ZBTB7C: variants seen among roughly 807,000 people sequenced by gnomAD.
ZBTB7C encodes the protein zinc finger and BTB domain-containing protein 7C.
In ZBTB7C, 8 loss-of-function variants were observed where a neutral mutation model predicts 25.7. The observed-to-expected ratio is 0.31, with a 90% confidence interval of 0.18 to 0.56. The LOEUF is 0.56. Among genes scored for constraint, ZBTB7C ranks in the 20% least tolerant of loss-of-function variants. The pLI is 0.91. For missense variants in ZBTB7C, 824 were observed against 855.2 expected, an observed-to-expected ratio of 0.96 and a Z score of 0.46; for synonymous variants, 394 against 369.0, an observed-to-expected ratio of 1.07 and a Z score of -0.78.
Position 48,189,186 on chromosome 18 carries a change from G to C in ZBTB7C, c.-78-3191C>G, listed in dbSNP as rs1000658908. On this transcript the variant is annotated intron_variant, in intron 2 of 4. Transcript: ENST00000590800. ...CATGACTGCTGGCTGCAGAGCCCTG[G>C]AGCTAAATATTCCAGGTGAACGCTC... 7.9e-5 allele frequency among the ~76,000 whole-genome samples: 12 copies of C among 152,290 alleles called. 1 individual carries two copies. The highest frequency in any genetic ancestry group is 3.3e-4 in the Admixed American group (5 of 15,284).
chr18:48,309,069 C>A (rs2045749642), intron 2 of ZBTB7C, among the ~76,000 whole-genome samples: 1 of 152,208 alleles, frequency 6.6e-6, no homozygotes, highest in Admixed American at 6.5e-5. Context: ...TAGAAGACCC[C>A]TCTCAGGCTT....
chr18:48,316,353 C>T (rs758280874), intron 2 of ZBTB7C, among the ~76,000 whole-genome samples: 64 of 152,294 alleles, frequency 4.2e-4, no homozygotes, highest in Non-Finnish European at 7.5e-4. Flanking sequence ...CCCACCACTC[C>T]TCCTCCACCC....
chr18:48,146,454 G>T (rs2040499809), intron 3 of ZBTB7C, among the ~76,000 whole-genome samples: 1 of 151,906 alleles, frequency 6.6e-6, no homozygotes, highest in Non-Finnish European at 1.5e-5. Context: ...TATATGTTTG[G>T]GTATGTTAAT....
chr18:48,131,828 C>G (rs2039994029), intron 3 of ZBTB7C, among the ~76,000 whole-genome samples: 1 of 152,150 alleles, frequency 6.6e-6, no homozygotes, highest in Non-Finnish European at 1.5e-5. Flanking sequence ...GCTACTGCTC[C>G]CTTGAGCATA....
rs188085374 is a variant in ZBTB7C at position 48,401,910 on chromosome 18, G to T, written c.-304+7316C>A. Among the ~76,000 whole-genome samples the T allele has an allele frequency of 4.6e-5, 7 of 152,110 alleles. No individual in the cohort carries two copies. In the South Asian group the frequency reaches 8.3e-4, roughly 18 times the overall value. Reference sequence around the variant, plus strand: ...TCAGAGAATCATTTCACAGTCAACCGTCCCATCCTGCCAATTCATGCCCTT... The same window carrying T: ...TCAGAGAATCATTTCACAGTCAACCTTCCCATCCTGCCAATTCATGCCCTT... On this transcript the variant is annotated intron_variant, in intron 1 of 4. Transcript: ENST00000590800.
At chr18:48,277,601 C>A (rs968122304) in intron 2 of ZBTB7C, among the ~76,000 whole-genome samples, 1 of 152,232 alleles carries the variant, frequency 6.6e-6, no homozygotes, top group African/African-American at 2.4e-5. Context: ...TAACCATGTG[C>A]AAGGTGCACA....
At chr18:48,395,362 A>G (rs112882485) in intron 1 of ZBTB7C, among the ~76,000 whole-genome samples, 9 of 54,166 alleles carry the variant, frequency 1.7e-4, no homozygotes, top group East Asian at 6.2e-4. Context: ...GTGTGCATGT[A>G]TGTTCTATTC....
intron 3 of ZBTB7C, among the ~76,000 whole-genome samples, chr18:48,158,017 G>C (rs1711886653): frequency 6.6e-6 from 1 of 152,030 alleles, no homozygotes; most frequent in South Asian, 2.1e-4. Context: ...AGATGCCCTG[G>C]GGACCATCTC....
chr18:48,037,193 A>T (rs2144120143), intron 4 of ZBTB7C, among the ~76,000 whole-genome samples: 1 of 152,324 alleles, frequency 6.6e-6, no homozygotes, highest in African/African-American at 2.4e-5. Context: ...CAGTGGGAAC[A>T]AGTGGTGGGG....
intron 3 of ZBTB7C, chr18:48,041,350 T>C: frequency 1.0e-6 from 1 of 985,456 alleles, no homozygotes; most frequent in South Asian, 4.7e-5. Context: ...GGCTTCTCAC[T>C]GGGCAGCTGG....
chr18:48,301,335 C>T (rs1027731137), intron 2 of ZBTB7C, among the ~76,000 whole-genome samples: 1 of 152,100 alleles, frequency 6.6e-6, no homozygotes, highest in Non-Finnish European at 1.5e-5. Flanking sequence ...AAAAATTAGC[C>T]GAGTGTGGTG....
intron 3 of ZBTB7C, among the ~76,000 whole-genome samples, chr18:48,064,914 C>T (rs1177345068): frequency 2.0e-5 from 3 of 152,184 alleles, no homozygotes; most frequent in Non-Finnish European, 2.9e-5. Flanking sequence ...GAGGGCTTCT[C>T]GAAACACCAC....
At chr18:48,211,572 A>T (rs930154658) in intron 2 of ZBTB7C, among the ~76,000 whole-genome samples, 3 of 152,202 alleles carry the variant, frequency 2.0e-5, no homozygotes, top group Non-Finnish European at 4.4e-5. Flanking sequence ...GTAATTAAGC[A>T]TATGAAAAAT....
At chr18:48,269,195 C>A (rs916071065) in intron 2 of ZBTB7C, among the ~76,000 whole-genome samples, 1 of 152,078 alleles carries the variant, frequency 6.6e-6, no homozygotes, top group African/African-American at 2.4e-5. Context: ...AACTCCTGGC[C>A]TCAAGTGATC....
intron 3 of ZBTB7C, chr18:48,165,342 AATGAGTGT>A (rs2144982098): frequency 1.2e-5 from 5 of 415,374 alleles, no homozygotes; most frequent in South Asian, 8.9e-5. Flanking sequence ...CTTCAGAGAC[AATGAGTGT>A]CCAGTGATGA....
At position 48,362,818 on chromosome 18, in the gene ZBTB7C, C is replaced by G. The variant is rs189705488; in HGVS notation, c.-303-24420G>C. ...CTTACCTCCTACTCTAAACTAGCAC[C>G]TTCTATGGTCTGTTGTGAGACAAGG... is the stretch of plus-strand genomic sequence containing the variant. On this transcript the variant is annotated intron_variant, in intron 1 of 4. Transcript: ENST00000590800. Among the ~76,000 whole-genome samples the G allele has an allele frequency of 1.5e-3, 235 of 152,208 alleles. 8 individuals carry two copies. In the East Asian group the frequency reaches 0.031, roughly 20 times the overall value.
chr18:48,123,711 C>T (rs989112297), intron 3 of ZBTB7C, among the ~76,000 whole-genome samples: 6 of 152,210 alleles, frequency 3.9e-5, no homozygotes, highest in African/African-American at 1.4e-4. Context: ...CATATGGCAA[C>T]ATTCAGGGTT....
intron 2 of ZBTB7C, among the ~76,000 whole-genome samples, chr18:48,265,436 G>A (rs564543945): frequency 2.0e-5 from 3 of 152,258 alleles, no homozygotes; most frequent in Non-Finnish European, 4.4e-5. Context: ...GGTTCATCTC[G>A]GATTTTCGCT....
chr18:48,340,776 A>T (rs1045024589), intron 1 of ZBTB7C, among the ~76,000 whole-genome samples: 3 of 152,234 alleles, frequency 2.0e-5, no homozygotes, highest in African/African-American at 7.2e-5. Context: ...CTGTGCTGTC[A>T]GCAAAACAAT....
Sources: gnomAD v4.1 joint callset for allele counts (sites outside exome capture counted in the v4.1 genomes callset) on GRCh38, gnomAD v4.1.1 for gene constraint, MANE v1.5 for transcripts, NCBI Gene and HGNC (gene_info 2026-07-23, HGNC 2026-07-21) for gene names.